TRPM6: variants seen among roughly 807,000 people sequenced by gnomAD.
TRPM6 encodes the protein channel kinase 2.
A neutral mutation model predicts 247.6 loss-of-function variants in TRPM6; 111 were observed. That is an observed-to-expected ratio of 0.45 (90% CI 0.38 to 0.52). The LOEUF (loss-of-function observed/expected upper bound fraction) is 0.52, where lower values mean the gene tolerates loss of function less well. Ranked by LOEUF, TRPM6 falls within the 20% of genes least tolerant of loss-of-function variation. TRPM6 has a pLI of 0.00. For synonymous variants in TRPM6, 892 were observed against 853.8 expected, an observed-to-expected ratio of 1.04 and a Z score of -0.78; for missense variants, 2,126 against 2,421.5, an observed-to-expected ratio of 0.88 and a Z score of 2.56.
chr9:74,873,356 C>T (rs778402495), intron 1 of TRPM6, among the ~76,000 whole-genome samples: 14 of 152,196 alleles, frequency 9.2e-5, no homozygotes, highest in Non-Finnish European at 2.1e-4. Context: ...ACCCACTGTA[C>T]TCTATGTCTC....
At chr9:74,792,132 T>G (rs904086180) in intron 19 of TRPM6, among the ~76,000 whole-genome samples, 2 of 152,226 alleles carry the variant, frequency 1.3e-5, no homozygotes, top group African/African-American at 4.8e-5. Flanking sequence ...ATTTGGTTGT[T>G]CCACAAATCT....
At chr9:74,844,629 G>C (rs1412097486) in intron 3 of TRPM6, among the ~76,000 whole-genome samples, 2 of 152,170 alleles carry the variant, frequency 1.3e-5, no homozygotes, top group Non-Finnish European at 2.9e-5. Context: ...TGCTGTGGCT[G>C]GTTTGATCTT....
Position 74,775,782 on chromosome 9 carries a change from G to A in TRPM6, c.3403+101C>T, listed in dbSNP as rs1227605897. The stretch of plus-strand genomic sequence containing the variant: ...ATTCTATTGTCAGGGAACTCCCAGA[G>A]CCCCACAGTGCCCTGAACTTAATTT... On this transcript the variant is annotated intron_variant, in intron 24 of 38. Coordinates refer to ENST00000360774, the MANE Select transcript of TRPM6 (RefSeq NM_017662.5). 2.5e-6 allele frequency: 3 copies of A among 1,187,628 alleles called. No homozygotes were observed. In the African/African-American group the frequency reaches 4.5e-5, roughly 18 times the overall value. 73.6% of individuals were successfully genotyped at this position (1,187,628 alleles called of 1,614,324 possible). A position where few individuals can be genotyped will look rare whatever the true frequency, so the allele number is the denominator to read the frequency against.
At chr9:74,751,732 T>C (rs1013789315) in intron 29 of TRPM6, among the ~76,000 whole-genome samples, 1 of 152,206 alleles carries the variant, frequency 6.6e-6, no homozygotes, top group Non-Finnish European at 1.5e-5. Context: ...CCTGCAAGGC[T>C]TGAATCCCCT....
intron 13 of TRPM6, 146 bp downstream of exon 13, chr9:74,810,669 T>C (rs955287363): frequency 1.3e-6 from 1 of 745,518 alleles, no homozygotes; most frequent in Admixed American, 2.0e-5. Context: ...GGTTTGTTGA[T>C]GAACTTGTTC....
At chr9:74,781,149 G>C (rs1199843226) in intron 23 of TRPM6, among the ~76,000 whole-genome samples, 2 of 152,104 alleles carry the variant, frequency 1.3e-5, no homozygotes, top group Non-Finnish European at 2.9e-5. Flanking sequence ...TAAAGGAAGA[G>C]GCAGGTCCGG....
At chr9:74,789,731 G>A (rs545154963) in intron 19 of TRPM6, among the ~76,000 whole-genome samples, 4 of 152,180 alleles carry the variant, frequency 2.6e-5, no homozygotes, top group Admixed American at 2.0e-4. Flanking sequence ...AGGCCAAGGC[G>A]GGTGGATCAC....
At chr9:74,835,269 T>C (rs896867061) in intron 5 of TRPM6, among the ~76,000 whole-genome samples, 2 of 152,180 alleles carry the variant, frequency 1.3e-5, no homozygotes, top group Non-Finnish European at 1.5e-5. Context: ...TTGCCCACTT[T>C]TTGATGGGGT....
At chr9:74,788,839 A>T in intron 19 of TRPM6, 97 bp from the exon 20 acceptor site, 1 of 1,434,504 alleles carries the variant, frequency 7.0e-7, no homozygotes, top group Non-Finnish European at 9.6e-7. Flanking sequence ...CATGAACTTC[A>T]ACATGATAAC....
chr9:74,856,457 G>GTGTGTGTC (rs1554729591), intron 2 of TRPM6, among the ~76,000 whole-genome samples: 28 of 118,646 alleles, frequency 2.4e-4, no homozygotes, highest in African/African-American at 1.0e-3. Context: ...GTGTGTGTGT[G>GTGTGTGTC]TGTGTGTGTC....
In TRPM6 at chr9:74,812,305, G is replaced by A; in HGVS notation, c.1437C>T (p.Tyr479=). The A allele has an allele frequency of 6.2e-7, 1 of 1,613,698 alleles. No individual in the cohort carries two copies. Among genetic ancestry groups the A allele is most frequent in the Non-Finnish European group, 8.5e-7 (1 of 1,179,856 alleles). The part of the protein sequence containing the change: ...FLTIPRLEEL[Y]NTKQGPTNTL... ...TGAAATGTTCCATACTCACTGTATTGTAGAGCTCTTCCAGTCGAGGGATGG... is the reference window on the plus strand; with the variant it reads ...TGAAATGTTCCATACTCACTGTATTATAGAGCTCTTCCAGTCGAGGGATGG... The change falls in exon 12 of 39, where the codon TAC becomes TAT. Residue 479 remains tyrosine (Y), a synonymous_variant. Transcript: ENST00000360774.
intron 11 of TRPM6, among the ~76,000 whole-genome samples, chr9:74,814,602 T>TA (rs1564027106): frequency 6.6e-6 from 1 of 151,930 alleles, no homozygotes; most frequent in East Asian, 1.9e-4. Context: ...AATTAAAAAC[T>TA]AAAAAAAGAA....
At chr9:74,878,080 A>T (rs1199222390) in intron 1 of TRPM6, among the ~76,000 whole-genome samples, 1 of 152,060 alleles carries the variant, frequency 6.6e-6, no homozygotes, top group Non-Finnish European at 1.5e-5. Context: ...CCTGCCACCA[A>T]CACCACAGCT....
intron 3 of TRPM6, among the ~76,000 whole-genome samples, chr9:74,846,105 T>C (rs1830099876): frequency 6.6e-6 from 1 of 152,214 alleles, no homozygotes; most frequent in Admixed American, 6.5e-5. Context: ...TTATAAATAA[T>C]TGAGTACAGT....
chr9:74,881,116 G>C (rs1020124641), intron 1 of TRPM6, among the ~76,000 whole-genome samples: 3 of 151,798 alleles, frequency 2.0e-5, no homozygotes, highest in African/African-American at 7.3e-5. Flanking sequence ...TCAACGTAGC[G>C]AGATCCCATC....
chr9:74,876,113 C>A (rs141960190), intron 1 of TRPM6, among the ~76,000 whole-genome samples: 142 of 152,114 alleles, frequency 9.3e-4, no homozygotes, highest in African/African-American at 3.3e-3. Context: ...GATGGATTTT[C>A]GCTCTTGTCG....
intron 30 of TRPM6, among the ~76,000 whole-genome samples, chr9:74,748,993 T>C (rs1208680755): frequency 1.3e-5 from 2 of 152,200 alleles, no homozygotes; most frequent in Non-Finnish European, 1.5e-5. Flanking sequence ...TTATCTTCTA[T>C]ACTGTATTTT....
intron 3 of TRPM6, among the ~76,000 whole-genome samples, chr9:74,843,598 G>A (rs1272737716): frequency 6.6e-6 from 1 of 151,888 alleles, no homozygotes; most frequent in Non-Finnish European, 1.5e-5. Flanking sequence ...CATGAGGTCA[G>A]GAGATCGAGA....
In TRPM6 at chr9:74,736,529, C is replaced by T. The variant is rs1825699594; in HGVS notation, c.5776+1878G>A. Among the ~76,000 whole-genome samples the T allele has an allele frequency of 3.3e-5, 5 of 152,188 alleles. No homozygotes were observed. In the South Asian group the frequency reaches 1.0e-3, roughly 32 times the overall value. ...CGTAAACCTTTAGCCAAGTGCCTGG[C>T]ACAAACGTAGTAAATGTTAGCTAGT... On this transcript the variant is annotated intron_variant, in intron 36 of 38. Transcript: ENST00000360774.
Sources: gnomAD v4.1 joint callset for allele counts (sites outside exome capture counted in the v4.1 genomes callset) on GRCh38, gnomAD v4.1.1 for gene constraint, MANE v1.5 for transcripts, NCBI Gene and HGNC (gene_info 2026-07-23, HGNC 2026-07-21) for gene names.